The following PIGN variants were observed in gnomAD, a reference collection of about 807,000 sequenced individuals.
The protein encoded by PIGN is GPI ethanolamine phosphate transferase 1.
In PIGN, 117 loss-of-function variants were observed where a neutral mutation model predicts 125.4. The observed-to-expected ratio is 0.93, with a 90% CI of 0.80 to 1.09. The LOEUF (loss-of-function observed/expected upper bound fraction) is 1.09. PIGN is among the 50% of genes least tolerant of loss of function. The pLI, the probability that PIGN is intolerant of heterozygous loss-of-function variation, is 0.00. For synonymous variants in PIGN, 392 were observed against 377.8 expected, an observed-to-expected ratio of 1.04 and a Z score of -0.44; for missense variants, 1,075 against 1,094.9, an observed-to-expected ratio of 0.98 and a Z score of 0.26.
chr18:62,184,818 T>C (rs1028358608), intron 1 of PIGN: 1 of 152,230 alleles, frequency 6.6e-6, no homozygotes, highest in African/African-American at 2.4e-5. Flanking sequence ...ACTTGTCAAA[T>C]GTTCTCAACA....
intron 29 of PIGN, among the ~76,000 whole-genome samples, chr18:62,074,452 A>G (rs2033064627): frequency 6.6e-6 from 1 of 152,164 alleles, no homozygotes; most frequent in Non-Finnish European, 1.5e-5. Context: ...AGGGTTAAAA[A>G]TCAACATTTC....
intron 1 of PIGN, among the ~76,000 whole-genome samples, chr18:62,177,743 T>C (rs1476779122): frequency 1.3e-5 from 2 of 152,270 alleles, no homozygotes; most frequent in African/African-American, 2.4e-5. Flanking sequence ...GCAAAGACTT[T>C]ATTCCTTTTG....
chr18:62,056,147 G>A (rs2031712364), intron 30 of PIGN, among the ~76,000 whole-genome samples: 3 of 147,124 alleles, frequency 2.0e-5, no homozygotes, highest in South Asian at 2.2e-4. Context: ...AATCAATACC[G>A]AAAGCTAAAA....
At chr18:62,068,820 C>T (rs536016452) in intron 30 of PIGN, among the ~76,000 whole-genome samples, 4 of 152,298 alleles carry the variant, frequency 2.6e-5, no homozygotes, top group African/African-American at 9.6e-5. Context: ...ACACATTCTC[C>T]CTAGTTCTTG....
intron 30 of PIGN, among the ~76,000 whole-genome samples, chr18:62,058,200 CT>C (rs1157255291): frequency 6.6e-6 from 1 of 152,028 alleles, no homozygotes; most frequent in Non-Finnish European, 1.5e-5. Flanking sequence ...TTCCTTAACC[CT>C]TTTTCCTATC....
At position 62,041,889 on chromosome 18, in the gene PIGN, A is replaced by T. The variant is rs868398250; in HGVS notation, c.*3967T>A. On this transcript the variant is annotated 3_prime_UTR_variant, in exon 31 of 31. Transcript: ENST00000640252. ...AAACTCTAAGACAGGGTCTGCTGTC[A>T]AGCTAGTGGAAACTTTTGGCATAAT... 1.3e-4 allele frequency: 20 copies of T among 152,226 alleles called. No homozygotes were observed. Among genetic ancestry groups the T allele is most frequent in the African/African-American group, 3.9e-4 (16 of 41,524 alleles). The allele number at this position is 152,226 out of a possible 1,614,324, so 9.4% of individuals were successfully genotyped here.
At chr18:62,048,732 A>G (rs1169212604) in intron 30 of PIGN, among the ~76,000 whole-genome samples, 3 of 146,416 alleles carry the variant, frequency 2.0e-5, no homozygotes, top group Non-Finnish European at 4.5e-5. Flanking sequence ...TTTAAGTTTT[A>G]GGGTACATGT....
At chr18:62,155,703 G>A (rs1159672313) in intron 6 of PIGN, among the ~76,000 whole-genome samples, 2 of 152,122 alleles carry the variant, frequency 1.3e-5, no homozygotes, top group Non-Finnish European at 2.9e-5. Flanking sequence ...GTCTGACTGG[G>A]TTTGCTGTTT....
chr18:62,175,541 GTGT>G (rs1358038015), intron 1 of PIGN, among the ~76,000 whole-genome samples: 2 of 152,028 alleles, frequency 1.3e-5, no homozygotes, highest in Non-Finnish European at 2.9e-5. Flanking sequence ...GTAATATCCT[GTGT>G]TCTTCCACTA....
chr18:62,107,223 A>T, intron 17 of PIGN, 138 bp from the exon 18 acceptor site: 1 of 635,682 alleles, frequency 1.6e-6, no homozygotes, highest in Non-Finnish European at 2.8e-6. Flanking sequence ...GCTCTAACGG[A>T]TTTGTTTCAA....
chr18:62,104,268 G>A (rs966283738), intron 20 of PIGN, among the ~76,000 whole-genome samples: 2 of 152,014 alleles, frequency 1.3e-5, no homozygotes, highest in African/African-American at 4.8e-5. Flanking sequence ...TTCATCTTTA[G>A]TAGAATACGC....
At chr18:62,031,852 CACAA>C (rs1267817024) in intron 23 of PIGN, among the ~76,000 whole-genome samples, 1 of 152,160 alleles carries the variant, frequency 6.6e-6, no homozygotes, top group Non-Finnish European at 1.5e-5. Context: ...AGCAAATTAT[CACAA>C]ACAGAGTGGC....
In PIGN at chr18:62,062,963, G is replaced by A. The variant is rs147727159; in HGVS notation, c.2672+9710C>T. Among the ~76,000 whole-genome samples the A allele has an allele frequency of 2.3e-5, 3 of 128,438 alleles. No homozygotes were observed. The Admixed American group carries it at 2.9e-4, about 12-fold the overall frequency. 84.3% of individuals were successfully genotyped at this position (128,438 alleles called of 152,430 possible). A position where few individuals can be genotyped will look rare whatever the true frequency, so the allele number is the denominator to read the frequency against. On this transcript the variant is annotated intron_variant, in intron 30 of 30. Coordinates refer to ENST00000640252, the MANE Select transcript of PIGN (RefSeq NM_176787.5). ...GTTTATTCCATGAGGGCTGTGTAAAGGAATGTTAAGGATAAGGCTGGAGGT... is the reference window on the plus strand; with the variant it reads ...GTTTATTCCATGAGGGCTGTGTAAAAGAATGTTAAGGATAAGGCTGGAGGT...
At chr18:62,103,882 T>G (rs2034541106) in intron 20 of PIGN, 1 of 152,210 alleles carries the variant, frequency 6.6e-6, no homozygotes, top group South Asian at 2.1e-4. Flanking sequence ...CAAGATTCTT[T>G]GCTTTTTTTC....
chr18:62,138,051 C>A, intron 14 of PIGN, 192 bp downstream of exon 14: 2 of 705,246 alleles, frequency 2.8e-6, no homozygotes, highest in Non-Finnish European at 2.2e-6. Flanking sequence ...CTCTTCCAGC[C>A]ATTCAAAGTT....
Position 62,044,364 on chromosome 18 carries a change from TA to T in PIGN, c.*1491del, listed in dbSNP as rs1389631296. ...TTTTCTGATGTGTGAAAAAAACTGA[TA>T]AAAAAATCCTTTGAGGTAATATGAA... On this transcript the variant is annotated 3_prime_UTR_variant, in exon 31 of 31. Coordinates refer to ENST00000640252, the MANE Select transcript of PIGN (RefSeq NM_176787.5). 1.3e-5 allele frequency: 2 copies of T among 152,200 alleles called. No homozygotes were observed. Among genetic ancestry groups the T allele is most frequent in the African/African-American group, 2.4e-5 (1 of 41,454 alleles). 9.4% of individuals were successfully genotyped at this position (152,200 alleles called of 1,614,324 possible). A position where few individuals can be genotyped will look rare whatever the true frequency, so the allele number is the denominator to read the frequency against.
Position 62,113,313 on chromosome 18 carries a change from A to G in PIGN, c.1255T>C (p.Ser419Pro). 6.3e-7 allele frequency: 1 copy of G among 1,587,214 alleles called. No individual in the cohort carries two copies. The highest frequency in any genetic ancestry group is 8.5e-7 in the Non-Finnish European group (1 of 1,170,694). The change falls in exon 16 of 31, where the codon TCC (serine) becomes CCC (proline). Residue 419 changes from serine (S) to proline (P), a missense_variant. Ser to Pro is a moderately conservative substitution (Grantham distance 74). Transcript: ENST00000640252. Reference protein sequence around the residue: ...IKHRKFDEVVSLCKELIHLAL... With the variant: ...IKHRKFDEVVPLCKELIHLAL... ...AGATGAATTAGCTCCTTGCAAAGGG[A>G]GACCTATGGAGAAAAAACATATATA...
chr18:62,177,610 G>C (rs150427450), intron 1 of PIGN, among the ~76,000 whole-genome samples: 1 of 151,964 alleles, frequency 6.6e-6, no homozygotes, highest in Non-Finnish European at 1.5e-5. Flanking sequence ...ACTTTCTGTT[G>C]AAATTTATAT....
At chr18:62,054,489 A>AT (rs367909088) in intron 30 of PIGN, among the ~76,000 whole-genome samples, 20,082 of 117,264 alleles carry the variant, frequency 0.17, 2,485 homozygotes, top group Middle Eastern at 0.28. Flanking sequence ...TTTTTTTCCT[A>AT]TTTTTTTTTT....
Sources: allele counts gnomAD v4.1 joint callset (sites outside exome capture counted in the v4.1 genomes callset), GRCh38; gene constraint gnomAD v4.1.1; transcripts MANE v1.5; gene names NCBI Gene and HGNC (gene_info 2026-07-23, HGNC 2026-07-21).